TBC1D30: variants seen among roughly 807,000 people sequenced by gnomAD.
TBC1D30 encodes TBC1 domain family member 30.
In TBC1D30, 31 loss-of-function variants were observed where a neutral mutation model predicts 63.2. The ratio of observed to expected loss-of-function variants is 0.49; its 90% CI spans 0.37 to 0.66. The LOEUF (loss-of-function observed/expected upper bound fraction) is 0.66. Among genes scored for constraint, TBC1D30 ranks in the 30% least tolerant of loss-of-function variants. The pLI is 0.00. For missense variants in TBC1D30, 810 were observed against 953.6 expected (o/e 0.85, Z 1.98); for synonymous variants, 307 against 361.5 (o/e 0.85, Z 1.71).
In TBC1D30 at chr12:64,876,921, C is replaced by T. The variant is rs1170531115; in HGVS notation, c.*1133C>T. The T allele has an allele frequency of 6.6e-6, 3 of 455,930 alleles. No individual in the cohort carries two copies. Among genetic ancestry groups the T allele is most frequent in the East Asian group, 6.9e-5 (1 of 14,398 alleles). The allele number at this position is 455,930 out of a possible 1,614,324, so 28.2% of individuals were successfully genotyped here. A position where few individuals can be genotyped will look rare whatever the true frequency, so the allele number is the denominator to read the frequency against. ...TGAGCCACACAGAGGTGAAGTAGCA[C>T]TTCAGTTACTCAAGGTCAGTACTCT... On this transcript the variant is annotated 3_prime_UTR_variant, in exon 12 of 12. Transcript: ENST00000539867.
At position 64,814,732 on chromosome 12, in the gene TBC1D30, G is replaced by A. The variant is rs77420423; in HGVS notation, c.644-13103G>A. On this transcript the variant is annotated intron_variant, in intron 2 of 12. Coordinates refer to the TBC1D30 transcript ENST00000542120. ...TAAGTACATGAGTATAATAGGCCAC[G>A]CTTATACTGTTTCTAAAAGAGAAGG... 7.9e-3 allele frequency among the ~76,000 whole-genome samples: 1,205 copies of A among 152,266 alleles called. 19 individuals carry two copies. The highest frequency in any genetic ancestry group is 0.027 in the African/African-American group (1,125 of 41,566).
At chr12:64,765,522 T>G (rs1360512898) in intron 1 of TBC1D30, among the ~76,000 whole-genome samples, 1 of 63,776 alleles carries the variant, frequency 1.6e-5, no homozygotes, top group Non-Finnish European at 3.3e-5. Flanking sequence ...AAAAAAAAAT[T>G]ACTATATAGG....
At chr12:64,796,143 GTTT>G (rs754180803) in intron 2 of TBC1D30, among the ~76,000 whole-genome samples, 1 of 130,118 alleles carries the variant, frequency 7.7e-6, no homozygotes, top group African/African-American at 2.8e-5. Context: ...AAAGTTAAGA[GTTT>G]TTTTTTTTTT....
At chr12:64,760,656 A>G (rs1245051822) in intron 1 of TBC1D30, among the ~76,000 whole-genome samples, 1 of 152,124 alleles carries the variant, frequency 6.6e-6, no homozygotes, top group Non-Finnish European at 1.5e-5. Flanking sequence ...CTTGCTGGTA[A>G]AAGTATTTTC....
intron 2 of TBC1D30, among the ~76,000 whole-genome samples, chr12:64,786,641 A>T (rs953704304): frequency 1.3e-5 from 2 of 152,006 alleles, no homozygotes; most frequent in African/African-American, 4.8e-5. Context: ...GCGCCTGGAC[A>T]AATTTTTATT....
At position 64,790,878 on chromosome 12, in the gene TBC1D30, A is replaced by C. The variant is rs372178106; in HGVS notation, c.643+4833A>C. Among the ~76,000 whole-genome samples, 6 of 152,272 alleles carry C rather than the reference A, an allele frequency of 3.9e-5. No homozygotes were observed. In the South Asian group the frequency reaches 1.2e-3, roughly 32 times the overall value. ...ACTCAACATTTTCCACTAAAAGACA[A>C]TTCTCTTTGTAAAATTATAAAAATA... On this transcript the variant is annotated intron_variant, in intron 2 of 12. Transcript: ENST00000542120.
rs1322586679 is a variant in TBC1D30 at position 64,832,004 on chromosome 12, TA to T, written c.409-108del. On this transcript the variant is annotated intron_variant, in intron 4 of 11. Transcript: ENST00000539867. Reference sequence around the variant, plus strand: ...CATATGTATAAAAACATACACATTTTAAAAAAATTTTATGTCGATGATTTGA... The same window carrying T: ...CATATGTATAAAAACATACACATTTTAAAAAATTTTATGTCGATGATTTGA... The T allele has an allele frequency of 3.6e-5, 39 of 1,077,414 alleles. No homozygotes were observed. The Admixed American group carries it at 4.3e-4, about 12-fold the overall frequency. The allele number at this position is 1,077,414 out of a possible 1,614,324, so 66.7% of individuals were successfully genotyped here.
chr12:64,835,771 T>C (rs1875295698), intron 5 of TBC1D30, among the ~76,000 whole-genome samples: 1 of 152,036 alleles, frequency 6.6e-6, no homozygotes, highest in Non-Finnish European at 1.5e-5. Context: ...TTGGTAAGAG[T>C]TTGGTGGGAA....
At chr12:64,853,565 A>G (rs1417219286) in intron 8 of TBC1D30, among the ~76,000 whole-genome samples, 2 of 152,162 alleles carry the variant, frequency 1.3e-5, no homozygotes, top group South Asian at 2.1e-4. Context: ...AGCTAGCTCA[A>G]TGTCTGCCCA....
chr12:64,781,350 G>A (rs1165816560), intron 1 of TBC1D30: 4 of 1,041,450 alleles, frequency 3.8e-6, no homozygotes, highest in Non-Finnish European at 3.5e-6. Flanking sequence ...CGCCGTCTCT[G>A]CCCGCGCTCC....
intron 2 of TBC1D30, among the ~76,000 whole-genome samples, chr12:64,804,060 T>G (rs1461477977): frequency 2.6e-5 from 4 of 152,210 alleles, no homozygotes; most frequent in Non-Finnish European, 5.9e-5. Flanking sequence ...GGGATGGCAT[T>G]GAATCTATAA....
intron 2 of TBC1D30, chr12:64,787,313 T>C: frequency 5.3e-6 from 5 of 947,478 alleles, no homozygotes; most frequent in Non-Finnish European, 6.3e-6. Flanking sequence ...TGTTTTATTC[T>C]GCTAACATTT....
chr12:64,824,948 C>T lies in TBC1D30; in HGVS notation c.69C>T (p.Gly23=). Residue 23 remains glycine, a synonymous_variant, in exon 1 of 12, where the codon GGC becomes GGT. Coordinates refer to ENST00000539867, the MANE Select transcript of TBC1D30 (RefSeq NM_015279.2). ...GGRCLKRQGG[G]VGTILSNVLK... is the part of the protein sequence containing the mutation. ...GATGCCTGAAGCGGCAGGGCGGCGGCGTGGGCACCATCCTGAGCAATGTGC... is the reference window on the plus strand; with the variant it reads ...GATGCCTGAAGCGGCAGGGCGGCGGTGTGGGCACCATCCTGAGCAATGTGC... 1 of 1,534,604 alleles carries T rather than the reference C, an allele frequency of 6.5e-7. No homozygotes were observed. The highest frequency in any genetic ancestry group is 2.4e-5 in the East Asian group (1 of 40,874).
At chr12:64,869,845 G>A (rs1878515130) in intron 10 of TBC1D30, among the ~76,000 whole-genome samples, 1 of 152,140 alleles carries the variant, frequency 6.6e-6, no homozygotes, top group East Asian at 1.9e-4. Flanking sequence ...AGGATAGTTG[G>A]AGTCTCTCAG....
At chr12:64,806,142 C>T (rs10878211) in intron 2 of TBC1D30, among the ~76,000 whole-genome samples, 84,586 of 152,148 alleles carry the variant, frequency 0.56, 24,532 homozygotes, top group East Asian at 0.9. Context: ...TTTCAGCATC[C>T]ATTGACATCT....
intron 8 of TBC1D30, among the ~76,000 whole-genome samples, chr12:64,851,078 C>G (rs774777055): frequency 3.9e-5 from 6 of 152,154 alleles, no homozygotes; most frequent in Non-Finnish European, 8.8e-5. Context: ...ATAGTATTCT[C>G]TGATGGTAGT....
intron 7 of TBC1D30, among the ~76,000 whole-genome samples, chr12:64,839,467 ATGT>A (rs1177974322): frequency 2.0e-5 from 3 of 152,240 alleles, no homozygotes; most frequent in Non-Finnish European, 4.4e-5. Flanking sequence ...TACTACATAA[ATGT>A]TGTGCCTTTT....
intron 7 of TBC1D30, among the ~76,000 whole-genome samples, chr12:64,842,977 T>C (rs1876015340): frequency 6.6e-6 from 1 of 152,214 alleles, no homozygotes; most frequent in African/African-American, 2.4e-5. Context: ...TGTTGATTGA[T>C]AACCTGAGTT....
chr12:64,838,585 CA>C, intron 6 of TBC1D30, 97 bp from the exon 7 acceptor site: 2 of 1,211,388 alleles, frequency 1.7e-6, no homozygotes, highest in Non-Finnish European at 2.2e-6. Flanking sequence ...TCAGGAAATA[CA>C]ACAAATTTGA....
Sources: gnomAD v4.1 joint callset for allele counts (sites outside exome capture counted in the v4.1 genomes callset) on GRCh38, gnomAD v4.1.1 for gene constraint, MANE v1.5 for transcripts, NCBI Gene and HGNC (gene_info 2026-07-23, HGNC 2026-07-21) for gene names.